RNPS1: variants seen among roughly 807,000 people sequenced by gnomAD.
RNPS1 encodes RNA binding protein with serine rich domain 1, also known as RNA-binding protein with serine-rich domain 1.
For missense variants in RNPS1, 300 were observed against 427.6 expected, an observed-to-expected ratio of 0.70 and a Z score of 2.63; for synonymous variants, 147 against 150.0, an observed-to-expected ratio of 0.98 and a Z score of 0.15.
chr16:2,254,740 C>CTTT (rs11315814), intron 7 of RNPS1, among the ~76,000 whole-genome samples: 4 of 103,592 alleles, frequency 3.9e-5, no homozygotes, highest in African/African-American at 1.4e-4. Flanking sequence ...AAAGTTTTAC[C>CTTT]TTTTTTTTTT....
chr16:2,263,645 G>C (rs144281035), intron 3 of RNPS1, among the ~76,000 whole-genome samples: 424 of 152,240 alleles, frequency 2.8e-3, no homozygotes, highest in Admixed American at 6.6e-3. Flanking sequence ...TTGAGACAGG[G>C]TCTGCCACCC....
chr16:2,264,816 T>C lies in RNPS1; in HGVS notation c.-117-56A>G, dbSNP rs184507492. The C allele has an allele frequency of 2.9e-6, 4 of 1,393,526 alleles. No individual in the cohort carries two copies. The East Asian group carries it at 7.7e-5, about 27-fold the overall frequency. 86.3% of individuals were successfully genotyped at this position (1,393,526 alleles called of 1,614,324 possible). On this transcript the variant is annotated intron_variant, in intron 1 of 7. Coordinates refer to ENST00000320225, the MANE Select transcript of RNPS1 (RefSeq NM_080594.4). ...GAACGAATTGGCAAGGCAACAAGTC[T>C]ACTTTGCAGTCAAAAGCTGAGCACA...
At chr16:2,266,285 C>G in intron 1 of RNPS1, 2 of 985,468 alleles carry the variant, frequency 2.0e-6, no homozygotes, top group Non-Finnish European at 2.4e-6. Flanking sequence ...CGAACGCCAC[C>G]TTTGCTGCTC....
At chr16:2,255,079 C>G (rs1224118147) in intron 7 of RNPS1, among the ~76,000 whole-genome samples, 1 of 152,224 alleles carries the variant, frequency 6.6e-6, no homozygotes, top group Non-Finnish European at 1.5e-5. Context: ...CAGGTCCCAC[C>G]TGATGGGCCT....
rs2093629578 is a variant in RNPS1, at chr16:2,267,490, G to A, written c.-118+565C>T. 5 of 1,005,574 alleles carry A rather than the reference G, an allele frequency of 5.0e-6. No homozygotes were observed. In the South Asian group the frequency reaches 1.1e-4, roughly 23 times the overall value. 62.3% of individuals were successfully genotyped at this position (1,005,574 alleles called of 1,614,324 possible). A position where few individuals can be genotyped will look rare whatever the true frequency, so the allele number is the denominator to read the frequency against. On this transcript the variant is annotated intron_variant, in intron 1 of 7. Coordinates refer to ENST00000320225, the MANE Select transcript of RNPS1 (RefSeq NM_080594.4). The stretch of plus-strand genomic sequence containing the variant: ...TAGTGGGCCGTATCCCCACGGCCTA[G>A]CGCCGATAATTGCACACGGGAGTCC...
intron 6 of RNPS1, chr16:2,257,529 GAC>G (rs1215842838): frequency 1.3e-5 from 2 of 152,246 alleles, no homozygotes; most frequent in East Asian, 1.9e-4. Context: ...CAGAAGGGGA[GAC>G]ACACAAAAAA....
intron 4 of RNPS1, 102 bp from the exon 5 acceptor site, chr16:2,262,944 AG>A: frequency 7.6e-7 from 1 of 1,317,432 alleles, no homozygotes; most frequent in Non-Finnish European, 1.1e-6. Flanking sequence ...AGTTTTCATA[AG>A]GAAGACTTTC....
intron 6 of RNPS1, among the ~76,000 whole-genome samples, chr16:2,261,039 A>G (rs895806029): frequency 3.3e-5 from 5 of 151,954 alleles, no homozygotes; most frequent in African/African-American, 1.2e-4. Context: ...CTGAGGGAGG[A>G]GAATGGCATG....
At chr16:2,263,383 G>A in intron 3 of RNPS1, 96 bp from the exon 4 acceptor site, 1 of 1,279,290 alleles carries the variant, frequency 7.8e-7, no homozygotes, top group South Asian at 1.3e-5. Context: ...GGAGAAACCT[G>A]CTGTTCGGGT....
In RNPS1 at chr16:2,264,670, G is replaced by A. The variant is rs1430230828; in HGVS notation, c.-27C>T. The A allele has an allele frequency of 5.0e-6, 8 of 1,608,116 alleles. No homozygotes were observed. Among genetic ancestry groups the A allele is most frequent in the Non-Finnish European group, 6.8e-6 (8 of 1,179,354 alleles). On this transcript the variant is annotated 5_prime_UTR_variant, in exon 2 of 8. Transcript: ENST00000320225. ...CTCCCCTTCTGAGGTGTTCAAAGCA[G>A]CAATGGCGGCCTCACTTATCTGAAC...
rs756871840 is a variant in RNPS1, at chr16:2,255,757, T to C, written c.677-31A>G. The C allele has an allele frequency of 3.8e-4, 618 of 1,608,888 alleles. 1 individual carries two copies. Among genetic ancestry groups the C allele is most frequent in the Non-Finnish European group, 5.2e-4 (608 of 1,177,460 alleles). Reference sequence around the variant, plus strand: ...GAAAAAGACAGCAAGTCATAAAATATCTAACAAGCATCTACCCTAGACAAT... The same window carrying C: ...GAAAAAGACAGCAAGTCATAAAATACCTAACAAGCATCTACCCTAGACAAT... On this transcript the variant is annotated intron_variant, in intron 6 of 7. Transcript: ENST00000320225.
Sources: allele counts gnomAD v4.1 joint callset (sites outside exome capture counted in the v4.1 genomes callset), GRCh38; gene constraint gnomAD v4.1.1; transcripts MANE v1.5; gene names NCBI Gene and HGNC (gene_info 2026-07-23, HGNC 2026-07-21).